AGPAT3: variants seen among roughly 807,000 people sequenced by gnomAD.
AGPAT3 encodes 1-acylglycerol-3-phosphate O-acyltransferase 3, also known as 1-acyl-sn-glycerol-3-phosphate acyltransferase gamma.
AGPAT3 carries 5 observed loss-of-function variants against 47.3 expected under a neutral mutation model. The ratio of observed to expected loss-of-function variants is 0.11; its 90% CI spans 0.06 to 0.22. The LOEUF (loss-of-function observed/expected upper bound fraction) is 0.22. Ranked by LOEUF, AGPAT3 falls within the 10% of genes least tolerant of loss-of-function variation. AGPAT3 has a pLI of 1.00. For synonymous variants in AGPAT3, 212 were observed against 208.3 expected (o/e 1.02, Z -0.15); for missense variants, 315 against 493.0 (o/e 0.64, Z 3.42).
intron 7 of AGPAT3, among the ~76,000 whole-genome samples, chr21:43,974,213 A>G (rs1435123551): frequency 1.4e-5 from 2 of 141,184 alleles, no homozygotes; most frequent in African/African-American, 2.6e-5. Context: ...TAGTGTGCAT[A>G]TAAATTATCT....
At chr21:43,956,927 C>T (rs544080958) in intron 2 of AGPAT3, among the ~76,000 whole-genome samples, 1 of 152,306 alleles carries the variant, frequency 6.6e-6, no homozygotes, top group South Asian at 2.1e-4. Flanking sequence ...TCATCAGATG[C>T]AATGACCAAG....
intron 2 of AGPAT3, among the ~76,000 whole-genome samples, chr21:43,947,833 C>T (rs999198405): frequency 4.0e-5 from 6 of 151,874 alleles, no homozygotes; most frequent in East Asian, 3.9e-4. Context: ...TTAGTAGAGA[C>T]GGGGTTTCAC....
Position 43,955,193 on chromosome 21 carries a change from C to G in AGPAT3, c.-48-4441C>G, listed in dbSNP as rs144770958. ...CCGTCTCAGAAGCACCGCGCTGGAC[C>G]GGCTGGGCCAGATGCCATGGGATTC... On this transcript the variant is annotated intron_variant, in intron 2 of 9. Coordinates refer to ENST00000291572, the MANE Select transcript of AGPAT3 (RefSeq NM_020132.5). This position sits in a 1 kb window ranked among gnomAD's most constrained non-coding sequence, Gnocchi z 4.1. 17 of 1,256,894 alleles carry G rather than the reference C, an allele frequency of 1.4e-5. No individual in the cohort carries two copies. In the Admixed American group the frequency reaches 4.2e-4, roughly 31 times the overall value. The allele number at this position is 1,256,894 out of a possible 1,614,324, so 77.9% of individuals were successfully genotyped here.
intron 1 of AGPAT3, among the ~76,000 whole-genome samples, chr21:43,872,560 A>G (rs987883362): frequency 6.6e-6 from 1 of 152,154 alleles, no homozygotes; most frequent in Non-Finnish European, 1.5e-5. Flanking sequence ...TTGGGTATTG[A>G]TTTAACAGCT....
chr21:43,917,839 TGTGTTGTGGGTGTTGTA>T (rs2086772147), intron 2 of AGPAT3, among the ~76,000 whole-genome samples: 7 of 56,964 alleles, frequency 1.2e-4, no homozygotes, highest in African/African-American at 1.5e-4. Context: ...TTGTGGGTGT[TGTGTTGTGGGTGTTGTA>T]GGAGTTGTGA....
chr21:43,962,238 G>A (rs4819353), intron 3 of AGPAT3, among the ~76,000 whole-genome samples: 67,070 of 151,746 alleles, frequency 0.44, 14,936 homozygotes, highest in Admixed American at 0.47. Context: ...TCCTGACCTC[G>A]TGATCTGCCC....
intron 2 of AGPAT3, among the ~76,000 whole-genome samples, chr21:43,927,547 G>A (rs375079848): frequency 3.9e-5 from 6 of 152,208 alleles, no homozygotes; most frequent in East Asian, 1.9e-4. Context: ...TGCTCTTCCC[G>A]TCTTAAATTG....
intron 7 of AGPAT3, among the ~76,000 whole-genome samples, chr21:43,975,618 C>T (rs762745474): frequency 1.2e-4 from 19 of 152,234 alleles, no homozygotes; most frequent in Admixed American, 1.2e-3. Context: ...GCAGCTCAAG[C>T]CTGGTCTTTC....
chr21:43,985,453 T>G lies in AGPAT3; in HGVS notation c.*3061T>G. The G allele has an allele frequency of 3.1e-6, 1 of 327,772 alleles. No individual in the cohort carries two copies. The highest frequency in any genetic ancestry group is 5.9e-6 in the Non-Finnish European group (1 of 168,248). 20.3% of individuals were successfully genotyped at this position (327,772 alleles called of 1,614,324 possible). ...GAATTTTGAGTCTCTCTGCCTTGCC[T>G]GTCCCGACTCCCTTTCGCGCACCGT... On this transcript the variant is annotated 3_prime_UTR_variant, in exon 10 of 10. Transcript: ENST00000291572.
chr21:43,948,647 G>A (rs978489589), intron 2 of AGPAT3, among the ~76,000 whole-genome samples: 3 of 152,184 alleles, frequency 2.0e-5, no homozygotes, highest in African/African-American at 7.2e-5. Context: ...GTGGTTTTAG[G>A]TATGTCATAT....
intron 2 of AGPAT3, among the ~76,000 whole-genome samples, chr21:43,942,842 T>G (rs756835806): frequency 5.3e-5 from 8 of 152,198 alleles, no homozygotes; most frequent in Non-Finnish European, 1.0e-4. Flanking sequence ...TTGCCTCATC[T>G]GGGCTCAGGG....
chr21:43,913,271 G>C (rs1474189098), intron 2 of AGPAT3, among the ~76,000 whole-genome samples: 2 of 152,142 alleles, frequency 1.3e-5, no homozygotes, highest in Non-Finnish European at 2.9e-5. Context: ...AAGAGCAGTG[G>C]TTCTCAAACC....
At chr21:43,890,985 G>A (rs923123727) in intron 1 of AGPAT3, among the ~76,000 whole-genome samples, 1 of 152,122 alleles carries the variant, frequency 6.6e-6, no homozygotes, top group Non-Finnish European at 1.5e-5. Flanking sequence ...TGAGCTGCCT[G>A]CCTTGGCCTC....
chr21:43,927,261 TA>T (rs1206591174), intron 2 of AGPAT3, among the ~76,000 whole-genome samples: 1 of 152,246 alleles, frequency 6.6e-6, no homozygotes, highest in African/African-American at 2.4e-5. Flanking sequence ...CTTGTATTTT[TA>T]ATTTTTGTGG....
chr21:43,865,614 C>A (rs2085486989), intron 1 of AGPAT3, among the ~76,000 whole-genome samples: 1 of 150,654 alleles, frequency 6.6e-6, no homozygotes, highest in South Asian at 2.1e-4. Flanking sequence ...CAGCGCGAGG[C>A]CCCGGCCGCT....
intron 1 of AGPAT3, among the ~76,000 whole-genome samples, chr21:43,898,971 C>T (rs796648410): frequency 9.8e-5 from 15 of 152,304 alleles, no homozygotes; most frequent in African/African-American, 3.4e-4. Flanking sequence ...GTGCCTTGGC[C>T]TCCCAAAGTG....
intron 1 of AGPAT3, among the ~76,000 whole-genome samples, chr21:43,888,633 G>A (rs1467353565): frequency 1.3e-5 from 2 of 152,192 alleles, no homozygotes; most frequent in African/African-American, 4.8e-5. Context: ...CAAACAGGTA[G>A]AAAATGAATT....
chr21:43,958,321 G>A (rs527941694), intron 2 of AGPAT3, among the ~76,000 whole-genome samples: 5 of 151,974 alleles, frequency 3.3e-5, no homozygotes, highest in Non-Finnish European at 7.4e-5. Context: ...CATGGGGTGG[G>A]GGGATGTGTT....
At position 43,985,839 on chromosome 21, in the gene AGPAT3, G is replaced by C. The variant is rs546994855; in HGVS notation, c.*3447G>C. On this transcript the variant is annotated 3_prime_UTR_variant, in exon 10 of 10. Coordinates refer to ENST00000291572, the MANE Select transcript of AGPAT3 (RefSeq NM_020132.5). ...CTGGCGTGCAATACTAGTGCTCCAC[G>C]GCGCGATGTGCTTCTAGCCCTTGCA... 6.5e-6 allele frequency: 1 copy of C among 154,310 alleles called. No individual in the cohort carries two copies. Among genetic ancestry groups the C allele is most frequent in the Non-Finnish European group, 1.4e-5 (1 of 69,384 alleles). 9.6% of individuals were successfully genotyped at this position (154,310 alleles called of 1,614,324 possible). A position where few individuals can be genotyped will look rare whatever the true frequency, so the allele number is the denominator to read the frequency against.
Sources: allele counts gnomAD v4.1 joint callset (sites outside exome capture counted in the v4.1 genomes callset), GRCh38; gene constraint gnomAD v4.1.1; non-coding constraint Gnocchi (gnomAD v3.1); transcripts MANE v1.5; gene names NCBI Gene and HGNC (gene_info 2026-07-23, HGNC 2026-07-21).